The following CSMD3 variants were observed in gnomAD, a reference collection of about 807,000 sequenced individuals.
CSMD3 encodes the protein CUB and sushi domain-containing protein 3.
In CSMD3, 177 loss-of-function variants were observed where a neutral mutation model predicts 435.2. The ratio of observed to expected loss-of-function variants is 0.41; its 90% CI spans 0.36 to 0.46. The LOEUF is 0.46. Among genes scored for constraint, CSMD3 ranks in the 20% least tolerant of loss-of-function variants. The pLI is 0.34. For missense variants in CSMD3, 4,265 were observed against 4,504.6 expected, an observed-to-expected ratio of 0.95 and a Z score of 1.52; for synonymous variants, 1,656 against 1,520.5, an observed-to-expected ratio of 1.09 and a Z score of -2.07.
intron 5 of CSMD3, among the ~76,000 whole-genome samples, chr8:113,043,314 A>C (rs1170200848): frequency 6.6e-6 from 1 of 152,168 alleles, no homozygotes; most frequent in Non-Finnish European, 1.5e-5. Flanking sequence ...TATCATAACT[A>C]AGCCTTTACA....
At chr8:113,143,664 C>T (rs1466451016) in intron 4 of CSMD3, among the ~76,000 whole-genome samples, 1 of 151,208 alleles carries the variant, frequency 6.6e-6, no homozygotes, top group African/African-American at 2.4e-5. Context: ...TGCATGCATC[C>T]CCAGGGAATT....
At chr8:112,731,361 T>C (rs2077071226) in intron 13 of CSMD3, among the ~76,000 whole-genome samples, 1 of 152,170 alleles carries the variant, frequency 6.6e-6, no homozygotes, top group East Asian at 1.9e-4. Flanking sequence ...TGTGCAACTA[T>C]ATTGAATTCT....
intron 10 of CSMD3, among the ~76,000 whole-genome samples, chr8:112,887,366 A>T (rs1338454037): frequency 6.6e-6 from 1 of 150,962 alleles, no homozygotes; most frequent in Non-Finnish European, 1.5e-5. Flanking sequence ...TTTACTTTTG[A>T]GGTAATCTAA....
At chr8:113,284,050 C>A (rs752068456) in intron 2 of CSMD3, among the ~76,000 whole-genome samples, 1 of 151,996 alleles carries the variant, frequency 6.6e-6, no homozygotes, top group Non-Finnish European at 1.5e-5. Context: ...GACCAAAAGG[C>A]TTAAGAATGA....
At chr8:113,314,393 C>CA in intron 2 of CSMD3, 178 bp downstream of exon 2, 1 of 603,806 alleles carries the variant, frequency 1.7e-6, no homozygotes, top group Non-Finnish European at 2.9e-6. Context: ...AGCAATATGA[C>CA]ATCAGAGACA....
chr8:113,119,189 G>T, intron 4 of CSMD3, among the ~76,000 whole-genome samples: 1 of 152,088 alleles, frequency 6.6e-6, no homozygotes, highest in East Asian at 1.9e-4. Flanking sequence ...TGAAATTCAG[G>T]AGAAAGCAGA....
chr8:112,309,258 T>C (rs1821729050), intron 50 of CSMD3, among the ~76,000 whole-genome samples: 1 of 151,938 alleles, frequency 6.6e-6, no homozygotes, highest in East Asian at 1.9e-4. Context: ...GTATTTTTAT[T>C]TTACATGATA....
chr8:112,268,132 A>C (rs1817126232), intron 59 of CSMD3, among the ~76,000 whole-genome samples: 1 of 152,152 alleles, frequency 6.6e-6, no homozygotes, highest in African/African-American at 2.4e-5. Context: ...AAAGGCAGAT[A>C]CTTTGACTCT....
At chr8:112,320,087 A>G (rs1467856616) in intron 45 of CSMD3, 106 bp from the exon 46 acceptor site, 3 of 725,274 alleles carry the variant, frequency 4.1e-6, no homozygotes, top group Non-Finnish European at 7.2e-6. Flanking sequence ...AAATAAAAAT[A>G]AATTACATAA....
intron 9 of CSMD3, among the ~76,000 whole-genome samples, chr8:112,936,804 T>A (rs1018733373): frequency 6.6e-6 from 1 of 152,166 alleles, no homozygotes; most frequent in Non-Finnish European, 1.5e-5. Flanking sequence ...AATAATTGGC[T>A]TATCTATAAA....
intron 26 of CSMD3, 55 bp downstream of exon 26, chr8:112,552,539 G>A (rs191438113): frequency 5.6e-5 from 87 of 1,542,682 alleles, no homozygotes; most frequent in Admixed American, 2.4e-4. Context: ...TTATATAGGG[G>A]TTGGTTAGGC....
intron 22 of CSMD3, among the ~76,000 whole-genome samples, chr8:112,607,615 A>T (rs965526764): frequency 2.0e-5 from 3 of 152,144 alleles, no homozygotes; most frequent in African/African-American, 7.2e-5. Flanking sequence ...CAGTGCCATG[A>T]TCAAGTTAGA....
At chr8:112,968,041 C>A (rs1381273519) in intron 7 of CSMD3, among the ~76,000 whole-genome samples, 1 of 151,646 alleles carries the variant, frequency 6.6e-6, no homozygotes, top group Non-Finnish European at 1.5e-5. Flanking sequence ...TAGGACTGGA[C>A]CTCCAAATAA....
At chr8:112,574,523 G>T (rs1053971151) in intron 23 of CSMD3, among the ~76,000 whole-genome samples, 6 of 151,872 alleles carry the variant, frequency 4.0e-5, no homozygotes, top group African/African-American at 1.4e-4. Flanking sequence ...TGAAATATGG[G>T]ACATGTTCAT....
intron 6 of CSMD3, among the ~76,000 whole-genome samples, chr8:112,988,923 A>G (rs921299718): frequency 6.6e-6 from 1 of 152,074 alleles, no homozygotes; most frequent in African/African-American, 2.4e-5. Context: ...GTACCATGAA[A>G]ATTTATACAG....
At chr8:113,319,179 A>G (rs2093931922) in intron 1 of CSMD3, among the ~76,000 whole-genome samples, 1 of 152,032 alleles carries the variant, frequency 6.6e-6, no homozygotes, top group Non-Finnish European at 1.5e-5. Flanking sequence ...TCCCGCCAAT[A>G]GTGTACTAGG....
intron 38 of CSMD3, among the ~76,000 whole-genome samples, chr8:112,354,340 T>C (rs1385025602): frequency 6.6e-6 from 1 of 152,170 alleles, no homozygotes; most frequent in Non-Finnish European, 1.5e-5. Flanking sequence ...CTGGAAGTCC[T>C]AGCCAGAGCA....
chr8:113,411,442 C>T (rs946537710), intron 1 of CSMD3, among the ~76,000 whole-genome samples: 7 of 152,108 alleles, frequency 4.6e-5, no homozygotes, highest in Admixed American at 4.6e-4. Context: ...GAAACACCCT[C>T]ATTTGAAAAG....
intron 13 of CSMD3, among the ~76,000 whole-genome samples, chr8:112,746,131 T>G (rs1451454694): frequency 6.6e-6 from 1 of 152,174 alleles, no homozygotes; most frequent in Non-Finnish European, 1.5e-5. Context: ...TCCAATTAGA[T>G]GTAGCCTCCA....
Sources: allele counts gnomAD v4.1 joint callset (sites outside exome capture counted in the v4.1 genomes callset), GRCh38; gene constraint gnomAD v4.1.1; transcripts MANE v1.5; gene names NCBI Gene and HGNC (gene_info 2026-07-23, HGNC 2026-07-21).